The following DLGAP2 variants were observed in gnomAD, a reference collection of about 807,000 sequenced individuals.
DLGAP2 encodes disks large-associated protein 2.
In DLGAP2, 26 loss-of-function variants were observed where a neutral mutation model predicts 100.3. The observed-to-expected ratio is 0.26, with a 90% CI of 0.19 to 0.36. The LOEUF is 0.36. Ranked by LOEUF, DLGAP2 falls within the 10% of genes least tolerant of loss-of-function variation. The pLI is 1.00. For synonymous variants in DLGAP2, 886 were observed against 630.1 expected (o/e 1.41, Z -6.08); for missense variants, 1,858 against 1,453.2 (o/e 1.28, Z -4.53).
At chr8:1,326,883 A>G (rs1393858509) in intron 3 of DLGAP2, among the ~76,000 whole-genome samples, 2 of 151,998 alleles carry the variant, frequency 1.3e-5, no homozygotes, top group Non-Finnish European at 2.9e-5. Flanking sequence ...ACATGTAAAC[A>G]CAGTGACAAT....
intron 1 of DLGAP2, among the ~76,000 whole-genome samples, chr8:822,484 G>C (rs1334695251): frequency 6.6e-6 from 1 of 152,224 alleles, no homozygotes; most frequent in Non-Finnish European, 1.5e-5. Context: ...CATGCGCACA[G>C]TGTTTCTGCT....
At position 998,350 on chromosome 8, in the gene DLGAP2, G is replaced by C. The variant is rs1009283840; in HGVS notation, c.73+90384G>C. On this transcript the variant is annotated intron_variant, in intron 2 of 14. Transcript: ENST00000637795. ...GGGTCTTGCTCTGTCACCCAGGCTG[G>C]AGTGCAGTGGCGTGGTCCTAGCTCA... is the stretch of plus-strand genomic sequence containing the variant. 3.3e-5 allele frequency among the ~76,000 whole-genome samples: 5 copies of C among 152,156 alleles called. No individual in the cohort carries two copies. In the East Asian group the frequency reaches 9.6e-4, roughly 29 times the overall value.
chr8:1,379,637 C>G (rs1281841527), intron 3 of DLGAP2: 1 of 152,276 alleles, frequency 6.6e-6, no homozygotes, highest in Non-Finnish European at 1.5e-5. Flanking sequence ...TGGGAAAACT[C>G]AGTCCAGGCC....
intron 2 of DLGAP2, among the ~76,000 whole-genome samples, chr8:1,069,344 A>G (rs1442039107): frequency 6.6e-6 from 1 of 152,142 alleles, no homozygotes; most frequent in African/African-American, 2.4e-5. Context: ...CGGCCCGTGG[A>G]CAGGTCGCGA....
chr8:1,337,440 GA>G (rs1801311923), intron 3 of DLGAP2, among the ~76,000 whole-genome samples: 1 of 137,426 alleles, frequency 7.3e-6, no homozygotes, highest in African/African-American at 2.5e-5. Flanking sequence ...TGGTGATGAT[GA>G]TGATGGTGAT....
chr8:1,374,584 A>C (rs913913869), intron 3 of DLGAP2, among the ~76,000 whole-genome samples: 2 of 152,154 alleles, frequency 1.3e-5, no homozygotes, highest in East Asian at 3.8e-4. Flanking sequence ...AAAATTAAAA[A>C]TCCTTCCTGT....
intron 2 of DLGAP2, among the ~76,000 whole-genome samples, chr8:1,033,255 G>A (rs1416930361): frequency 6.6e-6 from 1 of 152,156 alleles, no homozygotes; most frequent in African/African-American, 2.4e-5. Flanking sequence ...TGACAAACAG[G>A]CCCCTCGCCT....
At chr8:1,435,618 T>C (rs1000171901) in intron 3 of DLGAP2, among the ~76,000 whole-genome samples, 1 of 151,936 alleles carries the variant, frequency 6.6e-6, no homozygotes, top group Non-Finnish European at 1.5e-5. Context: ...CGTTTCATTA[T>C]TATTTTAGAG....
intron 3 of DLGAP2, among the ~76,000 whole-genome samples, chr8:1,317,946 C>T (rs1314558768): frequency 1.5e-5 from 1 of 67,116 alleles, no homozygotes; most frequent in Non-Finnish European, 2.7e-5. Context: ...AAAAATAGAG[C>T]GTGTGCGAGT....
chr8:1,203,117 T>TGTTA (rs1563250962), intron 2 of DLGAP2, among the ~76,000 whole-genome samples: 1 of 147,512 alleles, frequency 6.8e-6, no homozygotes, highest in Non-Finnish European at 1.5e-5. Flanking sequence ...TTTGTTTGTT[T>TGTTA]GTTAGTTCGT....
chr8:1,466,692 T>C (rs1033482925), intron 3 of DLGAP2, among the ~76,000 whole-genome samples: 1 of 152,136 alleles, frequency 6.6e-6, no homozygotes, highest in Non-Finnish European at 1.5e-5. Context: ...CATTTCTCTG[T>C]TAGATACAGA....
At chr8:1,321,043 C>G (rs1216907204) in intron 3 of DLGAP2, among the ~76,000 whole-genome samples, 1 of 149,028 alleles carries the variant, frequency 6.7e-6, no homozygotes, top group Admixed American at 6.7e-5. Context: ...GCCCAGGCAT[C>G]CATGTGTCTC....
At chr8:900,329 G>T (rs1044126490) in intron 1 of DLGAP2, among the ~76,000 whole-genome samples, 1 of 151,202 alleles carries the variant, frequency 6.6e-6, no homozygotes, top group Non-Finnish European at 1.5e-5. Flanking sequence ...TCACGGTGTC[G>T]CTCCCGGGTG....
intron 5 of DLGAP2, among the ~76,000 whole-genome samples, chr8:1,560,276 C>G (rs1439562976): frequency 6.6e-6 from 1 of 152,116 alleles, no homozygotes; most frequent in East Asian, 1.9e-4. Flanking sequence ...TGCTTTTCCC[C>G]CTCATGAGCA....
chr8:1,128,597 A>G (rs1218618656), intron 2 of DLGAP2, among the ~76,000 whole-genome samples: 4 of 152,208 alleles, frequency 2.6e-5, no homozygotes, highest in South Asian at 2.1e-4. Flanking sequence ...CCGGGTTTGT[A>G]TAACACATTC....
intron 3 of DLGAP2, among the ~76,000 whole-genome samples, chr8:1,310,806 C>A (rs1375315560): frequency 6.6e-6 from 1 of 152,048 alleles, no homozygotes; most frequent in Non-Finnish European, 1.5e-5. Context: ...TACAGGCACC[C>A]ACCACCACAC....
At chr8:1,164,349 GCCC>G in intron 2 of DLGAP2, among the ~76,000 whole-genome samples, 1 of 143,574 alleles carries the variant, frequency 7.0e-6, no homozygotes, top group Non-Finnish European at 1.6e-5. Flanking sequence ...AGCCCGCAGG[GCCC>G]GTCGTTTTGG....
chr8:998,341 C>G (rs1003707910), intron 2 of DLGAP2, among the ~76,000 whole-genome samples: 1 of 152,324 alleles, frequency 6.6e-6, no homozygotes, highest in East Asian at 1.9e-4. Flanking sequence ...TGCTCTGTCA[C>G]CCAGGCTGGA....
At chr8:1,683,719 G>A (rs1466597805) in intron 12 of DLGAP2, among the ~76,000 whole-genome samples, 1 of 147,998 alleles carries the variant, frequency 6.8e-6, no homozygotes, top group African/African-American at 2.5e-5. Flanking sequence ...AGAACATCTA[G>A]ACTCCCAGAG....
Sources: allele counts gnomAD v4.1 joint callset (sites outside exome capture counted in the v4.1 genomes callset), GRCh38; gene constraint gnomAD v4.1.1; transcripts MANE v1.5; gene names NCBI Gene and HGNC (gene_info 2026-07-23, HGNC 2026-07-21).